The following SMCO2 variants were observed in gnomAD, a reference collection of about 807,000 sequenced individuals.
SMCO2 encodes the protein single-pass membrane protein with coiled-coil domains 2.
Under a neutral mutation model 29.5 loss-of-function variants are expected in SMCO2, and 25 were observed. The ratio of observed to expected loss-of-function variants is 0.85; its 90% CI spans 0.62 to 1.18. The LOEUF (loss-of-function observed/expected upper bound fraction) is 1.18. SMCO2 is among the 50% of genes most tolerant of loss of function. SMCO2 has a pLI of 0.00. For synonymous variants in SMCO2, 117 were observed against 123.3 expected, an observed-to-expected ratio of 0.95 and a Z score of 0.34; for missense variants, 348 against 344.5, an observed-to-expected ratio of 1.01 and a Z score of -0.08.
At position 27,474,791 on chromosome 12, in the gene SMCO2, GT is replaced by G; in HGVS notation, c.242del (p.Leu81TrpfsTer3). The G allele has an allele frequency of 6.4e-7, 1 of 1,551,646 alleles. No homozygotes were observed. The highest frequency in any genetic ancestry group is 8.7e-7 in the Non-Finnish European group (1 of 1,146,782). Reference sequence around the variant, plus strand: ...TCCATCATCATCTTTACCAGGGTATGTTGGAGCTAGAGGCTGAGCATGACCA... The same window carrying G: ...TCCATCATCATCTTTACCAGGGTATGTGGAGCTAGAGGCTGAGCATGACCA... On this transcript the variant is annotated frameshift_variant, in exon 4 of 8. Coordinates refer to ENST00000298876, the Ensembl canonical transcript of SMCO2. LOFTEE classifies it high-confidence loss of function.
chr12:27,432,058 G>T, the SMCO2 span, among the ~76,000 whole-genome samples: 1 of 151,934 alleles, frequency 6.6e-6, no homozygotes, highest in Non-Finnish European at 1.5e-5. Flanking sequence ...TTCGATGTTT[G>T]TTGGCCATTT....
At chr12:27,489,929 A>G (rs1040596178) in intron 5 of SMCO2, among the ~76,000 whole-genome samples, 7 of 152,212 alleles carry the variant, frequency 4.6e-5, no homozygotes, top group African/African-American at 1.4e-4. Context: ...GAGGAGAAAG[A>G]TAGAGAAACA....
intron 4 of SMCO2, among the ~76,000 whole-genome samples, chr12:27,477,213 T>G (rs1401333095): frequency 1.2e-5 from 1 of 80,186 alleles, no homozygotes; most frequent in Non-Finnish European, 2.2e-5. Context: ...CTGTCAGGTT[T>G]TTTTTTTTTT....
the SMCO2 span, among the ~76,000 whole-genome samples, chr12:27,455,151 A>G: frequency 6.6e-6 from 1 of 152,180 alleles, no homozygotes; most frequent in East Asian, 1.9e-4. Context: ...CCAGGCATTA[A>G]CCTTGGTGTT....
At position 27,493,056 on chromosome 12, in the gene SMCO2, G is replaced by A. The variant is rs544285532; in HGVS notation, c.451-1244G>A. Among the ~76,000 whole-genome samples, 4 of 152,320 alleles carry A rather than the reference G, an allele frequency of 2.6e-5. No homozygotes were observed. In the South Asian group the frequency reaches 6.2e-4, roughly 24 times the overall value. ...GGGAACATGGATGGAGCCGGAGGTT[G>A]TCATCCTCAGCAAACTAACTCAGGA... On this transcript the variant is annotated intron_variant, in intron 5 of 7. Coordinates refer to ENST00000298876, the Ensembl canonical transcript of SMCO2.
At chr12:27,444,293 A>G in the SMCO2 span, among the ~76,000 whole-genome samples, 1,595 of 152,334 alleles carry the variant, frequency 0.01, 29 homozygotes, top group African/African-American at 0.036. Flanking sequence ...GGATAACTAT[A>G]TGCAGAAGAA....
chr12:27,489,518 C>G (rs1026910431), intron 5 of SMCO2, among the ~76,000 whole-genome samples: 4 of 152,098 alleles, frequency 2.6e-5, no homozygotes, highest in Non-Finnish European at 5.9e-5. Context: ...CTGAAATTGC[C>G]AGCTTCAATT....
chr12:27,477,438 A>T, intron 4 of SMCO2, among the ~76,000 whole-genome samples: 1 of 151,490 alleles, frequency 6.6e-6, no homozygotes, highest in East Asian at 1.9e-4. Flanking sequence ...ATACAAATCT[A>T]TTTGGGGTTC....
the SMCO2 span, among the ~76,000 whole-genome samples, chr12:27,460,384 T>C: frequency 1.3e-5 from 2 of 152,250 alleles, no homozygotes; most frequent in African/African-American, 4.8e-5. Context: ...ATCAATTACA[T>C]AATCAGTAAA....
At chr12:27,428,073 A>C in the SMCO2 span, among the ~76,000 whole-genome samples, 3 of 152,348 alleles carry the variant, frequency 2.0e-5, no homozygotes, top group Non-Finnish European at 2.9e-5. Context: ...CAGTTGGTTC[A>C]TCAGAAACAT....
intron 4 of SMCO2, among the ~76,000 whole-genome samples, chr12:27,476,380 G>A (rs1949586362): frequency 1.3e-5 from 2 of 152,178 alleles, no homozygotes; most frequent in Admixed American, 1.3e-4. Flanking sequence ...GATCCATTTA[G>A]TCCAAAGTGC....
chr12:27,446,861 T>C, the SMCO2 span, among the ~76,000 whole-genome samples: 1 of 152,164 alleles, frequency 6.6e-6, no homozygotes, highest in African/African-American at 2.4e-5. Flanking sequence ...TTTGCATTTC[T>C]AACAAGTTCC....
the SMCO2 span, among the ~76,000 whole-genome samples, chr12:27,452,419 T>G: frequency 6.6e-6 from 1 of 152,230 alleles, no homozygotes; most frequent in South Asian, 2.1e-4. Flanking sequence ...AATCATCCAC[T>G]GATGGACACT....
the SMCO2 span, among the ~76,000 whole-genome samples, chr12:27,447,599 A>T: frequency 6.6e-6 from 1 of 152,056 alleles, no homozygotes; most frequent in Non-Finnish European, 1.5e-5. Flanking sequence ...TCTATAAAAA[A>T]TACAAAAACT....
chr12:27,458,673 G>T, the SMCO2 span, among the ~76,000 whole-genome samples: 18 of 151,358 alleles, frequency 1.2e-4, no homozygotes, highest in Admixed American at 1.1e-3. Context: ...ATCACCTGAG[G>T]TCAGGAGTTC....
chr12:27,446,000 T>C, the SMCO2 span, among the ~76,000 whole-genome samples: 1 of 151,858 alleles, frequency 6.6e-6, no homozygotes, highest in African/African-American at 2.4e-5. Flanking sequence ...GCCTCACAGG[T>C]TCAAATGATT....
upstream of SMCO2, among the ~76,000 whole-genome samples, chr12:27,463,921 C>G (rs1030024619): frequency 6.6e-6 from 1 of 152,142 alleles, no homozygotes; most frequent in African/African-American, 2.4e-5. Flanking sequence ...AAAACAGAAG[C>G]AGGTTTTAAT....
the SMCO2 span, among the ~76,000 whole-genome samples, chr12:27,461,632 T>A: frequency 6.6e-6 from 1 of 152,264 alleles, no homozygotes; most frequent in Non-Finnish European, 1.5e-5. Flanking sequence ...TATATAAATG[T>A]GTCTTCCACC....
At chr12:27,435,375 C>T in the SMCO2 span, among the ~76,000 whole-genome samples, 4 of 146,562 alleles carry the variant, frequency 2.7e-5, no homozygotes, top group East Asian at 4.1e-4. Context: ...GCAAAATCCC[C>T]GCCCCCATAA....
Sources: gnomAD v4.1 joint callset for allele counts (sites outside exome capture counted in the v4.1 genomes callset) on GRCh38, gnomAD v4.1.1 for gene constraint, MANE v1.5 for transcripts, NCBI Gene and HGNC (gene_info 2026-07-23, HGNC 2026-07-21) for gene names.